The following CDH23 variants were observed in gnomAD, a reference collection of about 807,000 sequenced individuals.
CDH23 encodes cadherin related 23, also known as cadherin-23.
CDH23 carries 189 observed loss-of-function variants against 317.1 expected under a neutral mutation model. That is an observed-to-expected ratio of 0.60 (90% CI 0.53 to 0.67). The LOEUF (loss-of-function observed/expected upper bound fraction) is 0.67, where lower values mean the gene tolerates loss of function less well. Among genes scored for constraint, CDH23 ranks in the 30% least tolerant of loss-of-function variants. The pLI is 0.00. For missense variants in CDH23, 4,401 were observed against 4,592.4 expected (o/e 0.96, Z 1.20); for synonymous variants, 1,839 against 1,876.8 (o/e 0.98, Z 0.52).
intron 1 of CDH23, among the ~76,000 whole-genome samples, chr10:71,428,931 G>A (rs889857759): frequency 4.6e-5 from 7 of 152,148 alleles, no homozygotes; most frequent in Non-Finnish European, 2.9e-5. Flanking sequence ...GCCTCCTTTC[G>A]AATTGGGTTG....
rs550370616 is a variant in CDH23 at position 71,797,105 on chromosome 10, A to T, written c.6714A>T (p.Gly2238=). The change falls in exon 49 of 70, where the codon GGA becomes GGT. Residue 2238 remains glycine, a splice_region_variant and synonymous_variant. Coordinates refer to ENST00000224721, the MANE Select transcript of CDH23 (RefSeq NM_022124.6). The part of the protein sequence containing the change: ...EDAFAVNINT[G]SVMVKSPMNR... The stretch of plus-strand genomic sequence containing the variant: ...AACCTGGCCTGGTCTGGTCCACAGG[A>T]TCTGTAATGGTGAAGTCCCCCATGA... 3 of 1,607,682 alleles carry T rather than the reference A, an allele frequency of 1.9e-6. No homozygotes were observed. Among genetic ancestry groups the T allele is most frequent in the Non-Finnish European group, 2.6e-6 (3 of 1,175,016 alleles).
At chr10:71,413,105 T>C (rs1367384512) in intron 1 of CDH23, among the ~76,000 whole-genome samples, 1 of 152,238 alleles carries the variant, frequency 6.6e-6, no homozygotes, top group African/African-American at 2.4e-5. Flanking sequence ...AAGTTTATAG[T>C]TGTGGTTCTT....
At chr10:71,752,261 G>A (rs1450016067) in intron 38 of CDH23, among the ~76,000 whole-genome samples, 4 of 152,216 alleles carry the variant, frequency 2.6e-5, no homozygotes, top group Non-Finnish European at 4.4e-5. Flanking sequence ...GAGCTGAGGG[G>A]AGGGGTTCTC....
intron 9 of CDH23, among the ~76,000 whole-genome samples, chr10:71,604,211 G>C (rs1325660816): frequency 6.6e-6 from 1 of 152,212 alleles, no homozygotes; most frequent in Non-Finnish European, 1.5e-5. Flanking sequence ...GAGCCCAGGA[G>C]TTTGAGGCTG....
At chr10:71,484,184 C>T (rs1192932297) in intron 3 of CDH23, among the ~76,000 whole-genome samples, 7 of 152,216 alleles carry the variant, frequency 4.6e-5, no homozygotes, top group African/African-American at 7.2e-5. Flanking sequence ...TATCTCTCCA[C>T]GTCGTCCTCA....
chr10:71,643,766 CTG>C (rs1183498561), intron 11 of CDH23, 93 bp from the exon 12 acceptor site: 4 of 745,168 alleles, frequency 5.4e-6, no homozygotes, highest in African/African-American at 1.7e-5. Flanking sequence ...CAGGGTCTCA[CTG>C]TCTTTTCTCT....
At chr10:71,691,642 G>A (rs1439578215) in intron 20 of CDH23, among the ~76,000 whole-genome samples, 1 of 152,210 alleles carries the variant, frequency 6.6e-6, no homozygotes. Flanking sequence ...GGTCACTGCA[G>A]AAGGGAAAAG....
chr10:71,814,723 C>A lies in CDH23; in HGVS notation c.9739-229C>A, dbSNP rs550734030. Among the ~76,000 whole-genome samples the A allele has an allele frequency of 2.6e-5, 4 of 151,894 alleles. No individual in the cohort carries two copies. The South Asian group carries it at 8.4e-4, about 32-fold the overall frequency. ...TTCACAAGAAGCCGATACACACACA[C>A]ACACACACACACAGATTTTCACAAG... On this transcript the variant is annotated intron_variant, in intron 69 of 69. Transcript: ENST00000224721.
chr10:71,690,964 G>A (rs1865164953), intron 20 of CDH23, among the ~76,000 whole-genome samples: 1 of 152,156 alleles, frequency 6.6e-6, no homozygotes, highest in African/African-American at 2.4e-5. Flanking sequence ...ACACGGATGT[G>A]TGCCTCAGTT....
At chr10:71,735,217 G>A (rs1483553369) in intron 34 of CDH23, among the ~76,000 whole-genome samples, 1 of 152,200 alleles carries the variant, frequency 6.6e-6, no homozygotes, top group Non-Finnish European at 1.5e-5. Context: ...AGTGTGTGGG[G>A]TGGGATGCAC....
At chr10:71,554,881 T>A (rs1403313511) in intron 6 of CDH23, among the ~76,000 whole-genome samples, 1 of 152,208 alleles carries the variant, frequency 6.6e-6, no homozygotes, top group South Asian at 2.1e-4. Context: ...ATGTTGACAT[T>A]GCATAGCAAC....
intron 13 of CDH23, 107 bp from the exon 14 acceptor site, chr10:71,646,352 G>C: frequency 6.6e-7 from 1 of 1,524,314 alleles, no homozygotes; most frequent in East Asian, 2.3e-5. Flanking sequence ...GACTCTAACA[G>C]GTGCTCTGGG....
intron 41 of CDH23, among the ~76,000 whole-genome samples, chr10:71,779,818 A>C (rs1411428579): frequency 6.6e-6 from 1 of 152,238 alleles, no homozygotes; most frequent in Non-Finnish European, 1.5e-5. Flanking sequence ...CCACAAACCC[A>C]CACACCAAGG....
At position 71,800,686 on chromosome 10, in the gene CDH23, T is replaced by C; in HGVS notation, c.7413T>C (p.Tyr2471=). ...TGGACCGGGAGAAGAAGGACCACTA[T>C]ATCCTGACTGCCTTGGCCAAAGACA... ...SSLDREKKDH[Y]ILTALAKDNP... Residue 2471 remains tyrosine (Y), a synonymous_variant, in exon 53 of 70, where the codon TAT becomes TAC. Coordinates refer to ENST00000224721, the MANE Select transcript of CDH23 (RefSeq NM_022124.6). 6.2e-7 allele frequency: 1 copy of C among 1,614,008 alleles called. No individual in the cohort carries two copies. The highest frequency in any genetic ancestry group is 8.5e-7 in the Non-Finnish European group (1 of 1,179,892).
At chr10:71,575,479 G>A (rs1858123616) in intron 8 of CDH23, among the ~76,000 whole-genome samples, 1 of 152,182 alleles carries the variant, frequency 6.6e-6, no homozygotes, top group South Asian at 2.1e-4. Context: ...ACGCAGTCTG[G>A]CAGCAGAGTC....
intron 6 of CDH23, among the ~76,000 whole-genome samples, chr10:71,538,833 T>A (rs891272457): frequency 1.3e-5 from 2 of 152,094 alleles, no homozygotes; most frequent in Non-Finnish European, 2.9e-5. Flanking sequence ...AGTGTGGGAG[T>A]TCTTACCGCT....
intron 41 of CDH23, among the ~76,000 whole-genome samples, chr10:71,783,934 A>G (rs1294527393): frequency 6.6e-6 from 1 of 152,222 alleles, no homozygotes; most frequent in Non-Finnish European, 1.5e-5. Context: ...GTGCTTAGAC[A>G]GTGGGTGCTA....
intron 10 of CDH23, among the ~76,000 whole-genome samples, chr10:71,616,317 G>A (rs921656799): frequency 3.3e-5 from 5 of 152,206 alleles, no homozygotes; most frequent in African/African-American, 9.6e-5. Flanking sequence ...CCCTTCCAGC[G>A]CCATGGGGAG....
chr10:71,683,676 A>G (rs1457588915), intron 18 of CDH23, among the ~76,000 whole-genome samples: 1 of 152,170 alleles, frequency 6.6e-6, no homozygotes, highest in Non-Finnish European at 1.5e-5. Context: ...GCTATACAGA[A>G]CCAGGATAGC....
Sources: gnomAD v4.1 joint callset for allele counts (sites outside exome capture counted in the v4.1 genomes callset) on GRCh38, gnomAD v4.1.1 for gene constraint, MANE v1.5 for transcripts, NCBI Gene and HGNC (gene_info 2026-07-23, HGNC 2026-07-21) for gene names.